Variants in NEK5 observed in about 807,000 individuals in gnomAD.
NEK5 encodes the protein NIMA related kinase 5.
In NEK5, 88 loss-of-function variants were observed where a neutral mutation model predicts 109.2. The ratio of observed to expected loss-of-function variants is 0.81; its 90% confidence interval spans 0.68 to 0.96. The LOEUF (loss-of-function observed/expected upper bound fraction) is 0.96. Among genes scored for constraint, NEK5 ranks in the 40% least tolerant of loss-of-function variants. The probability of loss-of-function intolerance (pLI) is 0.00; values close to 1 mark genes in which losing one functional copy is unlikely to be tolerated. For synonymous variants in NEK5, 283 were observed against 299.9 expected (o/e 0.94, Z 0.58); for missense variants, 834 against 920.7 (o/e 0.91, Z 1.22).
chr13:52,125,584 C>A (rs115167567), intron 3 of NEK5, among the ~76,000 whole-genome samples: 1 of 152,152 alleles, frequency 6.6e-6, no homozygotes, highest in East Asian at 1.9e-4. Context: ...ACAGATATTA[C>A]CTGAAGTTAT....
At position 52,119,379 on chromosome 13, in the gene NEK5, CTTCT is replaced by C; in HGVS notation, c.150_153del (p.Glu51Ter). On this transcript the variant is annotated frameshift_variant, in exon 4 of 24. Coordinates refer to ENST00000684899, the MANE Select transcript of NEK5 (RefSeq NM_001365552.1). LOFTEE classifies it high-confidence loss of function. ...TGTTTCATCTTTTCCAGAAGAATCA[CTTCT>C]TTCTTTGAAGCTTCTTTTTCTTGTA... is the stretch of plus-strand genomic sequence containing the variant. 2 of 1,600,824 alleles carry C rather than the reference CTTCT, an allele frequency of 1.2e-6. No individual in the cohort carries two copies. Among genetic ancestry groups the C allele is most frequent in the South Asian group, 2.2e-5 (2 of 89,626 alleles).
chr13:52,097,337 C>A (rs1048278176), intron 12 of NEK5, among the ~76,000 whole-genome samples: 2 of 152,196 alleles, frequency 1.3e-5, no homozygotes, highest in Non-Finnish European at 2.9e-5. Context: ...GCTTGCACCA[C>A]GCACCTGGAA....
intron 4 of NEK5, among the ~76,000 whole-genome samples, chr13:52,112,672 A>C (rs763730596): frequency 1.3e-5 from 2 of 152,184 alleles, no homozygotes; most frequent in African/African-American, 2.4e-5. Context: ...TTATTAATAC[A>C]TTCCTTTGAG....
intron 17 of NEK5, among the ~76,000 whole-genome samples, chr13:52,077,886 C>T (rs1954896911): frequency 6.6e-6 from 1 of 151,984 alleles, no homozygotes; most frequent in South Asian, 2.1e-4. Context: ...ACCAGCCTGA[C>T]CAACATGGTG....
rs754223539 is a variant in NEK5, at chr13:52,065,564, C to T, written c.1895G>A (p.Trp632Ter). 1.9e-6 allele frequency: 3 copies of T among 1,614,000 alleles called. No homozygotes were observed. The highest frequency in any genetic ancestry group is 1.3e-5 in the African/African-American group (1 of 74,946). Residue 632 changes from tryptophan to a stop codon, truncating the protein, a stop_gained, in exon 21 of 24, where the codon TGG becomes TAG. Transcript: ENST00000684899. LOFTEE classifies it high-confidence loss of function. ...TVAAVGNRRQ[W>*]DGGAPQTLLQ... ...CAGAGTCTGAGGCGCTCCTCCATCC[C>T]ACTGCCTCCTGTTTCCCACAGCAGC...
intron 14 of NEK5, among the ~76,000 whole-genome samples, chr13:52,087,829 GT>G (rs895829576): frequency 2.0e-5 from 3 of 151,746 alleles, no homozygotes; most frequent in Admixed American, 6.6e-5. Flanking sequence ...GTTTCACTGT[GT>G]TAGCCAGGAT....
chr13:52,101,658 C>T (rs1045522432), intron 11 of NEK5, among the ~76,000 whole-genome samples: 4 of 151,968 alleles, frequency 2.6e-5, no homozygotes, highest in African/African-American at 9.7e-5. Flanking sequence ...AGTTTGGGCT[C>T]AACCTCTTCA....
At position 52,083,348 on chromosome 13, in the gene NEK5, T is replaced by C; in HGVS notation, c.1484A>G (p.Asn495Ser). Residue 495 changes from asparagine (N) to serine (S), a missense_variant, in exon 17 of 24, where the codon AAC (asparagine) becomes AGC (serine). By Grantham distance (46) the Asn-to-Ser change is conservative (BLOSUM62 1). Coordinates refer to ENST00000684899, the MANE Select transcript of NEK5 (RefSeq NM_001365552.1). ...RKKMGREPEE[N>S]SKISHKTYLV... ...ATAGGTTTTATGACTTATTTTTGAG[T>C]TCTCCTTTAACACAAATTATACACA... is the stretch of plus-strand genomic sequence containing the variant. The C allele has an allele frequency of 6.2e-7, 1 of 1,601,868 alleles. No individual in the cohort carries two copies. Among genetic ancestry groups the C allele is most frequent in the African/African-American group, 1.3e-5 (1 of 74,808 alleles).
intron 8 of NEK5, among the ~76,000 whole-genome samples, chr13:52,105,346 C>T (rs915046910): frequency 2.7e-5 from 4 of 150,840 alleles, no homozygotes; most frequent in South Asian, 2.1e-4. Flanking sequence ...GTACAATAGA[C>T]GGTAAGATTG....
rs1423555257 is a variant in NEK5, at chr13:52,065,751, A to G, written c.1850-142T>C. On this transcript the variant is annotated intron_variant, in intron 20 of 23. Coordinates refer to ENST00000684899, the MANE Select transcript of NEK5 (RefSeq NM_001365552.1). ...AATGACCACCCTTGTTCTAACAGATATAAGACTGAAATGACAAAAAGGTGT... is the reference window on the plus strand; with the variant it reads ...AATGACCACCCTTGTTCTAACAGATGTAAGACTGAAATGACAAAAAGGTGT... 6.5e-6 allele frequency: 4 copies of G among 619,598 alleles called. No individual in the cohort carries two copies. In the African/African-American group the frequency reaches 7.3e-5, roughly 11 times the overall value. The allele number at this position is 619,598 out of a possible 1,614,324, so 38.4% of individuals were successfully genotyped here. A position where few individuals can be genotyped will look rare whatever the true frequency, so the allele number is the denominator to read the frequency against.
chr13:52,089,216 A>T, intron 14 of NEK5, 31 bp downstream of exon 14: 1 of 1,334,704 alleles, frequency 7.5e-7, no homozygotes, highest in Non-Finnish European at 1.1e-6. Context: ...GGAAATTCCT[A>T]ATTGCTTCCC....
chr13:52,058,126 A>G (rs1251737637), intron 22 of NEK5, among the ~76,000 whole-genome samples: 1 of 147,112 alleles, frequency 6.8e-6, no homozygotes, highest in Non-Finnish European at 1.5e-5. Flanking sequence ...AAATCAATGT[A>G]CAAAAATCAC....
intron 23 of NEK5, among the ~76,000 whole-genome samples, chr13:52,044,613 T>C (rs1593914829): frequency 6.6e-6 from 1 of 152,204 alleles, no homozygotes; most frequent in East Asian, 1.9e-4. Context: ...AAAATTATTC[T>C]CAAACAGTAG....
At chr13:52,056,182 G>A (rs1443522753) in intron 22 of NEK5, among the ~76,000 whole-genome samples, 2 of 151,818 alleles carry the variant, frequency 1.3e-5, no homozygotes, top group Admixed American at 1.3e-4. Context: ...AACCAACAAA[G>A]ATCAAAAGAG....
chr13:52,085,886 AGT>A (rs1338827628), intron 16 of NEK5, among the ~76,000 whole-genome samples: 1 of 152,100 alleles, frequency 6.6e-6, no homozygotes, highest in Non-Finnish European at 1.5e-5. Context: ...AAAAAATGCT[AGT>A]GTGTTGGGTT....
chr13:52,104,631 A>G, intron 8 of NEK5, 79 bp from the exon 9 acceptor site: 1 of 947,804 alleles, frequency 1.1e-6, no homozygotes, highest in Non-Finnish European at 1.7e-6. Flanking sequence ...AGTGCCTTAA[A>G]TTTGTGTCGC....
At chr13:52,108,531 G>A in intron 7 of NEK5, 127 bp from the exon 8 acceptor site, 1 of 545,686 alleles carries the variant, frequency 1.8e-6, no homozygotes, top group Non-Finnish European at 3.2e-6. Flanking sequence ...ACATGTGTTA[G>A]AAGAAAGCAA....
chr13:52,043,347 G>C (rs1008459956), intron 23 of NEK5, among the ~76,000 whole-genome samples: 1 of 151,732 alleles, frequency 6.6e-6, no homozygotes, highest in Non-Finnish European at 1.5e-5. Context: ...GACCAGCCTG[G>C]CCAAGATGGT....
At chr13:52,111,027 T>G (rs1411461120) in intron 5 of NEK5, among the ~76,000 whole-genome samples, 2 of 151,896 alleles carry the variant, frequency 1.3e-5, no homozygotes, top group Non-Finnish European at 2.9e-5. Context: ...GAGGAAGAAA[T>G]GGGGGATCTG....
Sources: allele counts gnomAD v4.1 joint callset (sites outside exome capture counted in the v4.1 genomes callset), GRCh38; gene constraint gnomAD v4.1.1; transcripts MANE v1.5; gene names NCBI Gene and HGNC (gene_info 2026-07-23, HGNC 2026-07-21).